Variants in KCNIP4 observed in about 807,000 individuals in gnomAD.
KCNIP4 encodes the protein potassium voltage-gated channel interacting protein 4, also known as Kv channel-interacting protein 4.
Under a neutral mutation model 34.0 loss-of-function variants are expected in KCNIP4, and 12 were observed. That is an observed-to-expected ratio of 0.35 (90% confidence interval 0.23 to 0.57). The LOEUF is 0.57. Ranked by LOEUF, KCNIP4 falls within the 20% of genes least tolerant of loss-of-function variation. The pLI is 0.83. For synonymous variants in KCNIP4, 124 were observed against 102.2 expected, an observed-to-expected ratio of 1.21 and a Z score of -1.29; for missense variants, 238 against 311.7, an observed-to-expected ratio of 0.76 and a Z score of 1.78.
intron 1 of KCNIP4, among the ~76,000 whole-genome samples, chr4:21,394,166 G>T (rs114593389): frequency 1.3e-5 from 2 of 152,130 alleles, no homozygotes; most frequent in East Asian, 1.9e-4. Context: ...ACACTGCATG[G>T]TTCCATAATA....
chr4:21,538,644 T>C (rs1170894468), intron 1 of KCNIP4, among the ~76,000 whole-genome samples: 4 of 152,156 alleles, frequency 2.6e-5, no homozygotes, highest in Non-Finnish European at 4.4e-5. Flanking sequence ...TGTGTTTATA[T>C]TGTGATATAA....
chr4:20,924,777 C>A (rs914065544), intron 1 of KCNIP4, among the ~76,000 whole-genome samples: 2 of 152,144 alleles, frequency 1.3e-5, no homozygotes, highest in Non-Finnish European at 2.9e-5. Context: ...TGCATTCATT[C>A]ATTAATTTAA....
chr4:21,558,358 G>A (rs937922626), intron 1 of KCNIP4, among the ~76,000 whole-genome samples: 5 of 152,160 alleles, frequency 3.3e-5, no homozygotes, highest in South Asian at 2.1e-4. Context: ...CAGGTGTGGT[G>A]GCGTATGCCT....
At chr4:20,873,128 G>A (rs1402386617) in intron 2 of KCNIP4, among the ~76,000 whole-genome samples, 5 of 152,004 alleles carry the variant, frequency 3.3e-5, no homozygotes, top group African/African-American at 7.2e-5. Context: ...CTTCCACCAC[G>A]ATTGCCATGT....
At chr4:21,849,015 G>A (rs1724205380) in intron 1 of KCNIP4, 1 of 151,280 alleles carries the variant, frequency 6.6e-6, no homozygotes, top group Non-Finnish European at 1.5e-5. Flanking sequence ...ATAGGTGATT[G>A]GCACATGCCA....
At chr4:20,996,607 C>G (rs370375938) in intron 1 of KCNIP4, among the ~76,000 whole-genome samples, 3 of 152,196 alleles carry the variant, frequency 2.0e-5, no homozygotes, top group African/African-American at 7.2e-5. Flanking sequence ...TCTTGCCACT[C>G]ACTTCTAGGC....
chr4:21,730,981 G>A (rs759432512), intron 1 of KCNIP4, among the ~76,000 whole-genome samples: 1 of 151,992 alleles, frequency 6.6e-6, no homozygotes, highest in East Asian at 1.9e-4. Flanking sequence ...AGACGTGGTG[G>A]TACACTCCTG....
At chr4:21,301,433 C>T (rs957445240) in intron 1 of KCNIP4, among the ~76,000 whole-genome samples, 3 of 152,048 alleles carry the variant, frequency 2.0e-5, no homozygotes, top group African/African-American at 7.2e-5. Flanking sequence ...GGAAAAAGTT[C>T]ACAATCATCC....
chr4:21,172,444 G>A (rs959557386), intron 1 of KCNIP4, among the ~76,000 whole-genome samples: 1 of 152,158 alleles, frequency 6.6e-6, no homozygotes, highest in African/African-American at 2.4e-5. Flanking sequence ...GGATTGCCTT[G>A]TATTGAAAAA....
Position 21,946,604 on chromosome 4 carries a change from T to C in KCNIP4, c.61+1967A>G, listed in dbSNP as rs543696135. Among the ~76,000 whole-genome samples the C allele has an allele frequency of 1.2e-3, 186 of 152,330 alleles. 1 individual carries two copies. The highest frequency in any genetic ancestry group is 3.5e-3 in the Admixed American group (54 of 15,298). ...AATAGTATTACATATTTGGGGATCA[T>C]TCTCTAATATTAGCTTTGAAGCAAT... On this transcript the variant is annotated intron_variant, in intron 1 of 8. Transcript: ENST00000382152.
chr4:21,238,792 G>A (rs1200260131), intron 1 of KCNIP4, among the ~76,000 whole-genome samples: 3 of 152,148 alleles, frequency 2.0e-5, no homozygotes, highest in Non-Finnish European at 4.4e-5. Flanking sequence ...TCATGAAAAT[G>A]GCTATACTGC....
intron 1 of KCNIP4, among the ~76,000 whole-genome samples, chr4:20,889,557 AC>A (rs1422587213): frequency 6.6e-6 from 1 of 152,080 alleles, no homozygotes; most frequent in African/African-American, 2.4e-5. Flanking sequence ...AAGTCGTAAG[AC>A]TTTTATTTTT....
At chr4:21,525,382 T>C (rs1735885458) in intron 1 of KCNIP4, among the ~76,000 whole-genome samples, 1 of 152,146 alleles carries the variant, frequency 6.6e-6, no homozygotes, top group African/African-American at 2.4e-5. Flanking sequence ...TGTTCAGTAC[T>C]GAAAAGTAAA....
At chr4:21,458,490 A>G (rs1280375460) in intron 1 of KCNIP4, among the ~76,000 whole-genome samples, 1 of 151,972 alleles carries the variant, frequency 6.6e-6, no homozygotes, top group Non-Finnish European at 1.5e-5. Flanking sequence ...AAACTGAACC[A>G]TGTCAATGTC....
chr4:21,216,145 G>A lies in KCNIP4; in HGVS notation c.62-333436C>T, dbSNP rs139265403. The stretch of plus-strand genomic sequence containing the variant: ...AAGGGCGGTTGAGAAATGACTTTGC[G>A]TTGGTGCGGGTTTTTACAAGGATCA... On this transcript the variant is annotated intron_variant, in intron 1 of 8. Coordinates refer to ENST00000382152, the MANE Select transcript of KCNIP4 (RefSeq NM_025221.6). Among the ~76,000 whole-genome samples the A allele has an allele frequency of 3.9e-3, 596 of 152,288 alleles. 5 individuals are homozygous for A. Among genetic ancestry groups the A allele is most frequent in the South Asian group, 0.021 (103 of 4,826 alleles).
At chr4:21,171,553 A>G (rs1036008190) in intron 1 of KCNIP4, among the ~76,000 whole-genome samples, 1 of 152,144 alleles carries the variant, frequency 6.6e-6, no homozygotes, top group Non-Finnish European at 1.5e-5. Context: ...CAGCGATGGG[A>G]TCAGATTTCA....
At chr4:21,104,926 A>G (rs1399358579) in intron 1 of KCNIP4, among the ~76,000 whole-genome samples, 4 of 151,526 alleles carry the variant, frequency 2.6e-5, no homozygotes, top group Admixed American at 2.6e-4. Context: ...ATTCTTTCTG[A>G]GGACTCTGTT....
chr4:20,955,107 C>A (rs982877379), intron 1 of KCNIP4, among the ~76,000 whole-genome samples: 1 of 152,120 alleles, frequency 6.6e-6, no homozygotes, highest in African/African-American at 2.4e-5. Context: ...TCTCGTATTG[C>A]AGTGGCAGCT....
intron 1 of KCNIP4, among the ~76,000 whole-genome samples, chr4:21,711,024 A>T (rs1000581746): frequency 2.6e-5 from 4 of 152,198 alleles, no homozygotes; most frequent in Non-Finnish European, 5.9e-5. Context: ...CACGCCTACT[A>T]CCTATGGTTA....
Sources: gnomAD v4.1 joint callset for allele counts (sites outside exome capture counted in the v4.1 genomes callset) on GRCh38, gnomAD v4.1.1 for gene constraint, MANE v1.5 for transcripts, NCBI Gene and HGNC (gene_info 2026-07-23, HGNC 2026-07-21) for gene names.